The following FOXP2 variants were observed in gnomAD, a reference collection of about 807,000 sequenced individuals.
The protein encoded by FOXP2 is forkhead box protein P2.
FOXP2 carries 12 observed loss-of-function variants against 115.8 expected under a neutral mutation model. That is an observed-to-expected ratio of 0.10 (90% confidence interval 0.07 to 0.17). The LOEUF is 0.17. Ranked by LOEUF, FOXP2 falls within the 10% of genes least tolerant of loss-of-function variation. FOXP2 has a pLI of 1.00. For synonymous variants in FOXP2, 328 were observed against 297.7 expected, an observed-to-expected ratio of 1.10 and a Z score of -1.05; for missense variants, 629 against 843.5, an observed-to-expected ratio of 0.75 and a Z score of 3.15.
intron 16 of FOXP2, chr7:114,664,954 T>G: frequency 6.3e-6 from 1 of 158,546 alleles, no homozygotes; most frequent in South Asian, 1.9e-4. Flanking sequence ...TCAGTGTAAT[T>G]ATATATTCAA....
intron 3 of FOXP2, among the ~76,000 whole-genome samples, chr7:114,618,509 T>C (rs763876590): frequency 2.6e-5 from 4 of 152,146 alleles, no homozygotes; most frequent in Non-Finnish European, 4.4e-5. Flanking sequence ...CCTTTGAAGC[T>C]GGGCTGGGAT....
chr7:114,176,865 C>T (rs1793330416), intron 1 of FOXP2, among the ~76,000 whole-genome samples: 1 of 152,086 alleles, frequency 6.6e-6, no homozygotes, highest in Non-Finnish European at 1.5e-5. Flanking sequence ...ATCTTCCAGT[C>T]CTTACCCCAG....
intron 8 of FOXP2, 163 bp downstream of exon 8, chr7:114,644,952 C>T: frequency 1.7e-6 from 1 of 577,454 alleles, no homozygotes; most frequent in Non-Finnish European, 3.1e-6. Context: ...TAAGATCAGG[C>T]TTCATCTTTT....
chr7:114,247,057 A>G (rs539782399), intron 1 of FOXP2, among the ~76,000 whole-genome samples: 7 of 152,300 alleles, frequency 4.6e-5, no homozygotes, highest in Non-Finnish European at 7.4e-5. Flanking sequence ...AGTTGTTTCT[A>G]TGTATCATTT....
chr7:114,643,775 C>A (rs1291638280), intron 7 of FOXP2, among the ~76,000 whole-genome samples: 1 of 152,088 alleles, frequency 6.6e-6, no homozygotes, highest in Non-Finnish European at 1.5e-5. Flanking sequence ...GTGTAGAATT[C>A]TTAACATAAT....
intron 2 of FOXP2, among the ~76,000 whole-genome samples, chr7:114,359,052 C>T (rs907527398): frequency 6.6e-6 from 1 of 152,144 alleles, no homozygotes; most frequent in Non-Finnish European, 1.5e-5. Context: ...GCAGCCCCTC[C>T]CATCACAAGC....
At chr7:114,565,084 T>G (rs1316053926) in intron 3 of FOXP2, among the ~76,000 whole-genome samples, 2 of 151,882 alleles carry the variant, frequency 1.3e-5, no homozygotes, top group African/African-American at 2.4e-5. Flanking sequence ...ATGCCTTATT[T>G]TATTGTATGC....
chr7:114,644,813 T>TG, intron 8 of FOXP2, 24 bp downstream of exon 8: 3 of 1,445,700 alleles, frequency 2.1e-6, no homozygotes, highest in South Asian at 1.1e-5. Context: ...TTTTTTTTGG[T>TG]GGGGGGCGGG....
rs185501463 is a variant in FOXP2 at position 114,426,294 on chromosome 7, A to C, written c.-10-208A>C. ...TTGGCTGTTAAATGTAACCGCACAA[A>C]AATTGCTTATAGAAACCATAATTTC... On this transcript the variant is annotated intron_variant, in intron 1 of 16. Transcript: ENST00000350908. Among the ~76,000 whole-genome samples, 4 of 151,808 alleles carry C rather than the reference A, an allele frequency of 2.6e-5. No individual in the cohort carries two copies. In the Admixed American group the frequency reaches 2.6e-4, roughly 10 times the overall value.
intron 1 of FOXP2, among the ~76,000 whole-genome samples, chr7:114,113,055 G>A (rs576683995): frequency 1.3e-5 from 2 of 152,288 alleles, no homozygotes; most frequent in East Asian, 3.9e-4. Context: ...GATGGTGGAA[G>A]AATTACAAAG....
rs773631978 is a variant in FOXP2 at position 114,689,794 on chromosome 7, C to T, written c.2016C>T (p.His672=). ...CSPQPHIHSI[H]VKEEPVIAED... ...ACATGTTTTTCAGACATTCAATCCA[C>T]GTCAAGGAAGAGCCAGTGATTGCAG... The change falls in exon 17 of 17, where the codon CAC becomes CAT. Residue 672 remains histidine, a synonymous_variant. Transcript: ENST00000350908. 37 of 1,613,146 alleles carry T rather than the reference C, an allele frequency of 2.3e-5. No individual in the cohort carries two copies. The highest frequency in any genetic ancestry group is 1.1e-4 in the East Asian group (5 of 44,850).
intron 2 of FOXP2, among the ~76,000 whole-genome samples, chr7:114,515,717 G>A (rs1227671867): frequency 3.9e-5 from 6 of 152,022 alleles, no homozygotes; most frequent in Admixed American, 2.0e-4. Context: ...AAGCTCTTTA[G>A]TTTAATTAGA....
chr7:114,174,754 A>T (rs1793242716), intron 1 of FOXP2, among the ~76,000 whole-genome samples: 1 of 152,108 alleles, frequency 6.6e-6, no homozygotes, highest in African/African-American at 2.4e-5. Context: ...GGTTTTACTA[A>T]ATAGCAAGGC....
At chr7:114,627,939 CAT>C (rs1171817336) in intron 3 of FOXP2, among the ~76,000 whole-genome samples, 1,529 of 151,046 alleles carry the variant, frequency 0.01, 22 homozygotes, top group African/African-American at 0.035. Context: ...CACACACACA[CAT>C]ATATATATAT....
intron 3 of FOXP2, among the ~76,000 whole-genome samples, chr7:114,576,773 C>G (rs1180663775): frequency 6.6e-6 from 1 of 151,898 alleles, no homozygotes; most frequent in Non-Finnish European, 1.5e-5. Context: ...ACCGTTTGCT[C>G]TATAGTTTTT....
chr7:114,463,479 A>G (rs1795668601), intron 2 of FOXP2, among the ~76,000 whole-genome samples: 1 of 152,206 alleles, frequency 6.6e-6, no homozygotes, highest in South Asian at 2.1e-4. Context: ...TTTAAATATA[A>G]ATGGGTACAT....
chr7:114,236,600 A>T (rs1292849142), intron 1 of FOXP2, among the ~76,000 whole-genome samples: 2 of 152,254 alleles, frequency 1.3e-5, no homozygotes, highest in African/African-American at 4.8e-5. Context: ...AAGAATAGTT[A>T]TTCACAATTA....
At chr7:114,499,634 C>T (rs964433095) in intron 2 of FOXP2, 1 of 152,122 alleles carries the variant, frequency 6.6e-6, no homozygotes, top group African/African-American at 2.4e-5. Context: ...TTGTGGCTCA[C>T]CTCTAGCAAA....
At chr7:114,384,902 T>A (rs536002247) in intron 2 of FOXP2, among the ~76,000 whole-genome samples, 1 of 152,028 alleles carries the variant, frequency 6.6e-6, no homozygotes, top group African/African-American at 2.4e-5. Context: ...ACGCCCTTAT[T>A]TACACTGACA....
Sources: allele counts gnomAD v4.1 joint callset (sites outside exome capture counted in the v4.1 genomes callset), GRCh38; gene constraint gnomAD v4.1.1; transcripts MANE v1.5; gene names NCBI Gene and HGNC (gene_info 2026-07-23, HGNC 2026-07-21).